The following MTAP variants were observed in gnomAD, a reference collection of about 807,000 sequenced individuals.
MTAP encodes the protein S-methyl-5'-thioadenosine phosphorylase.
In MTAP, 33 loss-of-function variants were observed where a neutral mutation model predicts 33.6. The ratio of observed to expected loss-of-function variants is 0.98; its 90% CI spans 0.74 to 1.31. MTAP has a LOEUF of 1.31. Ranked by LOEUF, MTAP falls within the 40% of genes most tolerant of loss-of-function variation. The pLI, the probability that MTAP is intolerant of heterozygous loss-of-function variation, is 0.00. For synonymous variants in MTAP, 148 were observed against 125.7 expected, an observed-to-expected ratio of 1.18 and a Z score of -1.19; for missense variants, 367 against 360.0, an observed-to-expected ratio of 1.02 and a Z score of -0.16.
intron 3 of MTAP, among the ~76,000 whole-genome samples, chr9:21,817,267 T>C (rs1416864310): frequency 6.6e-6 from 1 of 152,150 alleles, no homozygotes; most frequent in Non-Finnish European, 1.5e-5. Context: ...AGTCAAGATA[T>C]ATGTATGAGT....
At chr9:21,853,262 A>T (rs1825559093) in intron 5 of MTAP, among the ~76,000 whole-genome samples, 1 of 151,984 alleles carries the variant, frequency 6.6e-6, no homozygotes, top group Admixed American at 6.6e-5. Context: ...TTATTGAACC[A>T]GCGGGAGTGG....
intron 4 of MTAP, among the ~76,000 whole-genome samples, chr9:21,832,554 A>C (rs1171040258): frequency 6.6e-6 from 1 of 152,036 alleles, no homozygotes; most frequent in African/African-American, 2.4e-5. Context: ...TAAACTCTTC[A>C]CCTTCCTTCA....
chr9:21,922,230 G>A lies in MTAP; in HGVS notation c.148-8778G>A, dbSNP rs1587299821. On this transcript the variant is annotated intron_variant, in intron 1 of 1. Transcript: ENST00000577563. This position sits in a 1 kb window ranked among gnomAD's most constrained non-coding sequence, Gnocchi z 4.8. ...TCAAGTGAGCATGCACACAACTTCA[G>A]TAAATACACTGTGCATGTGGCCGCT... is the stretch of plus-strand genomic sequence containing the variant. Among the ~76,000 whole-genome samples, 1 of 151,896 alleles carries A rather than the reference G, an allele frequency of 6.6e-6. No individual in the cohort carries two copies. Among genetic ancestry groups the A allele is most frequent in the African/African-American group, 2.4e-5 (1 of 41,370 alleles).
At chr9:21,802,811 T>G (rs372504090) in intron 1 of MTAP, 30 bp downstream of exon 1, 1 of 1,612,024 alleles carries the variant, frequency 6.2e-7, no homozygotes. Flanking sequence ...CCGCAGCGGT[T>G]CGCCCTGCCG....
At chr9:21,822,995 A>G (rs1223136946) in intron 4 of MTAP, among the ~76,000 whole-genome samples, 1 of 152,094 alleles carries the variant, frequency 6.6e-6, no homozygotes, top group Admixed American at 6.5e-5. Context: ...ATCTTCCTCC[A>G]TCCCTTTATT....
intron 1 of MTAP, among the ~76,000 whole-genome samples, chr9:21,812,784 A>G (rs539849602): frequency 6.6e-6 from 1 of 152,226 alleles, no homozygotes; most frequent in African/African-American, 2.4e-5. Context: ...ATAAGGTATA[A>G]TGTTATGGAG....
intron 5 of MTAP, among the ~76,000 whole-genome samples, chr9:21,851,888 A>G (rs760216062): frequency 1.3e-5 from 2 of 152,180 alleles, no homozygotes; most frequent in Non-Finnish European, 2.9e-5. Context: ...GCCCTCCAAC[A>G]TCAAACTCCA....
chr9:21,827,960 G>C (rs1824864335), intron 4 of MTAP, among the ~76,000 whole-genome samples: 1 of 152,220 alleles, frequency 6.6e-6, no homozygotes, highest in South Asian at 2.1e-4. Flanking sequence ...ATTGGGCACT[G>C]AGCCTTGGGT....
chr9:21,931,206 G>A (rs779543890), downstream of MTAP: 40 of 720,140 alleles, frequency 5.6e-5, no homozygotes, highest in Admixed American at 4.4e-4. Context: ...CTAGCAAGAG[G>A]CCAAGACCCA....
intron 1 of MTAP, among the ~76,000 whole-genome samples, chr9:21,900,870 C>G (rs1818380403): frequency 6.6e-6 from 1 of 152,180 alleles, no homozygotes; most frequent in Non-Finnish European, 1.5e-5. Context: ...TTTGCAGCAG[C>G]ATGGATGTAG....
rs1420485490 is a variant in MTAP at position 21,864,920 on chromosome 9, G to A, written c.*2906G>A. The A allele has an allele frequency of 2.0e-6, 2 of 985,468 alleles. No homozygotes were observed. The highest frequency in any genetic ancestry group is 3.5e-5 in the African/African-American group (2 of 57,370). 61.0% of individuals were successfully genotyped at this position (985,468 alleles called of 1,614,324 possible). ...ATTTTCCAAATAATTATTCATTCTT[G>A]TGACAGTGGCCTGAACATGTTTTTA... On this transcript the variant is annotated 3_prime_UTR_variant, in exon 8 of 8. Coordinates refer to ENST00000644715, the MANE Select transcript of MTAP (RefSeq NM_002451.4).
At chr9:21,830,480 G>A (rs1544195) in intron 4 of MTAP, among the ~76,000 whole-genome samples, 8,533 of 152,222 alleles carry the variant, frequency 0.056, 259 homozygotes, top group Middle Eastern at 0.086. Context: ...TGGCCACTGA[G>A]GGTAAAAGAT....
At chr9:21,873,329 A>G (rs1341359188) in intron 1 of MTAP, among the ~76,000 whole-genome samples, 1 of 152,124 alleles carries the variant, frequency 6.6e-6, no homozygotes, top group Admixed American at 6.5e-5. Context: ...CACTTAATGA[A>G]CAGCTGCTTT....
rs563068635 is a variant in MTAP, at chr9:21,815,475, T to C, written c.76T>C (p.Leu26=). Reference sequence around the variant, plus strand: ...AACAGGCCTGGATGATCCAGAAATTTTAGAAGGAAGAACTGAAAAATATGT... The same window carrying C: ...AACAGGCCTGGATGATCCAGAAATTCTAGAAGGAAGAACTGAAAAATATGT... The part of the protein sequence containing the change: ...GGTGLDDPEI[L]EGRTEKYVDT... Residue 26 remains leucine (L), a synonymous_variant, in exon 2 of 8, where the codon TTA becomes CTA. Coordinates refer to ENST00000644715, the MANE Select transcript of MTAP (RefSeq NM_002451.4). 6.2e-7 allele frequency: 1 copy of C among 1,612,324 alleles called. No individual in the cohort carries two copies. The highest frequency in any genetic ancestry group is 2.2e-5 in the East Asian group (1 of 44,836).
Position 21,861,962 on chromosome 9 carries a change from T to C in MTAP, c.814-14T>C, listed in dbSNP as rs374742223. 7.5e-5 allele frequency: 109 copies of C among 1,451,680 alleles called. No homozygotes were observed. The highest frequency in any genetic ancestry group is 1.0e-4 in the Non-Finnish European group (104 of 1,032,412). The allele number at this position is 1,451,680 out of a possible 1,614,324, so 89.9% of individuals were successfully genotyped here. On this transcript the variant is annotated splice_polypyrimidine_tract_variant and intron_variant, in intron 7 of 7. Transcript: ENST00000644715. ...CCAACATGTGAATATCACTGCCTCC[T>C]TTCTTCCTTTCAGAATATGGCCCAG...
chr9:21,940,489 T>A (rs186354649), downstream of MTAP, among the ~76,000 whole-genome samples: 386 of 152,202 alleles, frequency 2.5e-3, 3 homozygotes, highest in Middle Eastern at 0.017. Context: ...GTCTTTGAGG[T>A]TTTGTTATCT....
At chr9:21,908,900 A>G (rs905010696) in intron 1 of MTAP, among the ~76,000 whole-genome samples, 5 of 151,892 alleles carry the variant, frequency 3.3e-5, no homozygotes, top group African/African-American at 1.2e-4. Flanking sequence ...TCATCTCTTT[A>G]TATTCCCTTC....
chr9:21,896,106 C>T (rs910340882), intron 1 of MTAP, among the ~76,000 whole-genome samples: 2 of 152,194 alleles, frequency 1.3e-5, no homozygotes, highest in African/African-American at 2.4e-5. Context: ...GATTAAGAAA[C>T]GCACCCAAAA....
intron 1 of MTAP, among the ~76,000 whole-genome samples, chr9:21,919,705 A>G (rs1386087985): frequency 6.6e-6 from 1 of 152,244 alleles, no homozygotes; most frequent in Non-Finnish European, 1.5e-5. Flanking sequence ...AAATACACTG[A>G]CAAGGTGATA....
Sources: allele counts gnomAD v4.1 joint callset (sites outside exome capture counted in the v4.1 genomes callset), GRCh38; gene constraint gnomAD v4.1.1; non-coding constraint Gnocchi (gnomAD v3.1); transcripts MANE v1.5; gene names NCBI Gene and HGNC (gene_info 2026-07-23, HGNC 2026-07-21).